The following CCSER1 variants were observed in gnomAD, a reference collection of about 807,000 sequenced individuals.
CCSER1 encodes serine-rich coiled-coil domain-containing protein 1.
In CCSER1, 41 loss-of-function variants were observed where a neutral mutation model predicts 82.0. The ratio of observed to expected loss-of-function variants is 0.50; its 90% CI spans 0.39 to 0.65. The LOEUF (loss-of-function observed/expected upper bound fraction) is 0.65. CCSER1 is among the 30% of genes least tolerant of loss of function. The probability of loss-of-function intolerance (pLI) is 0.00; values close to 1 mark genes in which losing one functional copy is unlikely to be tolerated. For missense variants in CCSER1, 1,119 were observed against 1,064.2 expected (o/e 1.05, Z -0.72); for synonymous variants, 414 against 383.9 (o/e 1.08, Z -0.92).
chr4:90,515,185 T>C (rs1772098389), intron 5 of CCSER1, among the ~76,000 whole-genome samples: 1 of 152,232 alleles, frequency 6.6e-6, no homozygotes, highest in Admixed American at 6.5e-5. Flanking sequence ...ATACAATTAA[T>C]AGTTATTTCT....
intron 9 of CCSER1, among the ~76,000 whole-genome samples, chr4:90,997,154 G>T (rs981974335): frequency 3.3e-5 from 5 of 152,280 alleles, no homozygotes; most frequent in South Asian, 2.1e-4. Context: ...AAATCAAGGT[G>T]TGGGCAGGTT....
chr4:90,604,883 C>G (rs1009263946), intron 5 of CCSER1, among the ~76,000 whole-genome samples: 1 of 152,148 alleles, frequency 6.6e-6, no homozygotes, highest in South Asian at 2.1e-4. Context: ...CCAATCAGCT[C>G]TCTGTAAAGT....
At chr4:91,421,332 G>C (rs1011327141) in intron 10 of CCSER1, among the ~76,000 whole-genome samples, 13 of 152,158 alleles carry the variant, frequency 8.5e-5, no homozygotes, top group African/African-American at 1.9e-4. Context: ...CTGAAAGCCT[G>C]AGAACCAGAG....
intron 7 of CCSER1, among the ~76,000 whole-genome samples, chr4:90,758,448 A>T (rs1749900649): frequency 6.6e-6 from 1 of 152,178 alleles, no homozygotes; most frequent in African/African-American, 2.4e-5. Context: ...CAATATATAT[A>T]AATATCCAAA....
At chr4:91,268,291 TTAGATC>T (rs1256918261) in intron 10 of CCSER1, among the ~76,000 whole-genome samples, 1 of 152,192 alleles carries the variant, frequency 6.6e-6, no homozygotes, top group Non-Finnish European at 1.5e-5. Flanking sequence ...ATAGAAATGT[TTAGATC>T]TGGCAGCATT....
chr4:90,706,386 C>T (rs940527404), intron 6 of CCSER1, among the ~76,000 whole-genome samples: 4 of 152,080 alleles, frequency 2.6e-5, no homozygotes, highest in African/African-American at 9.7e-5. Flanking sequence ...TTGAAGTCTG[C>T]AGTGAGCTGT....
chr4:90,141,066 TC>T (rs1316356857), intron 1 of CCSER1, among the ~76,000 whole-genome samples: 1 of 84,064 alleles, frequency 1.2e-5, no homozygotes, highest in African/African-American at 4.9e-5. Context: ...CTATCTATTG[TC>T]TGTCTACCTA....
chr4:91,033,386 G>T (rs574051878), intron 9 of CCSER1, among the ~76,000 whole-genome samples: 1 of 152,132 alleles, frequency 6.6e-6, no homozygotes, highest in Admixed American at 6.6e-5. Context: ...GGGAAAAAGG[G>T]TAGAAGGAAA....
At chr4:91,308,555 A>G (rs1745233750) in intron 10 of CCSER1, among the ~76,000 whole-genome samples, 1 of 151,704 alleles carries the variant, frequency 6.6e-6, no homozygotes, top group Non-Finnish European at 1.5e-5. Context: ...GTTATGCCAC[A>G]TATTTTCATA....
intron 9 of CCSER1, among the ~76,000 whole-genome samples, chr4:90,955,464 A>G (rs907010226): frequency 3.9e-5 from 6 of 152,132 alleles, no homozygotes; most frequent in African/African-American, 1.4e-4. Context: ...CAAACTCCCA[A>G]TAGTAAACAC....
intron 10 of CCSER1, among the ~76,000 whole-genome samples, chr4:91,410,368 G>GAATA (rs1417652438): frequency 5.3e-5 from 8 of 151,992 alleles, no homozygotes; most frequent in Non-Finnish European, 1.0e-4. Context: ...GCTGAGAAGG[G>GAATA]AATACAGAAT....
At chr4:91,157,298 A>G (rs1471860011) in intron 10 of CCSER1, among the ~76,000 whole-genome samples, 2 of 152,000 alleles carry the variant, frequency 1.3e-5, no homozygotes, top group Admixed American at 6.6e-5. Flanking sequence ...GAAAGTGCTT[A>G]ATACTGTAAG....
intron 7 of CCSER1, among the ~76,000 whole-genome samples, chr4:90,727,000 A>G (rs1353438809): frequency 6.6e-6 from 1 of 152,150 alleles, no homozygotes; most frequent in Non-Finnish European, 1.5e-5. Context: ...TATAATTCAC[A>G]ATCTTCCACA....
intron 10 of CCSER1, among the ~76,000 whole-genome samples, chr4:91,516,521 G>T (rs1359504585): frequency 6.6e-6 from 1 of 152,082 alleles, no homozygotes; most frequent in Non-Finnish European, 1.5e-5. Flanking sequence ...GGTTGTAAGT[G>T]TGCAGCCTTA....
chr4:90,617,100 ATTC>A (rs1160571736), intron 5 of CCSER1, among the ~76,000 whole-genome samples: 8 of 152,204 alleles, frequency 5.3e-5, no homozygotes, highest in Admixed American at 6.5e-5. Flanking sequence ...AAAACAATTT[ATTC>A]TTTTCAGAAC....
intron 5 of CCSER1, among the ~76,000 whole-genome samples, chr4:90,470,352 A>G (rs1053470539): frequency 6.6e-6 from 1 of 152,178 alleles, no homozygotes; most frequent in Non-Finnish European, 1.5e-5. Flanking sequence ...CTACATACCC[A>G]ACACTGTTAT....
intron 10 of CCSER1, among the ~76,000 whole-genome samples, chr4:91,100,190 T>A (rs1180711691): frequency 2.0e-5 from 3 of 149,742 alleles, no homozygotes; most frequent in Non-Finnish European, 1.5e-5. Flanking sequence ...TTGGGCAAGA[T>A]AAAAAAAAAA....
chr4:91,590,139 T>G (rs1418239344), intron 10 of CCSER1, among the ~76,000 whole-genome samples: 1 of 152,052 alleles, frequency 6.6e-6, no homozygotes, highest in Non-Finnish European at 1.5e-5. Flanking sequence ...ACCTTGCTTA[T>G]CTCATGCATG....
At chr4:90,767,341 G>A (rs1751401974) in intron 7 of CCSER1, among the ~76,000 whole-genome samples, 1 of 151,894 alleles carries the variant, frequency 6.6e-6, no homozygotes, top group African/African-American at 2.4e-5. Context: ...TAATGTGACT[G>A]CACTTACACT....
Sources: gnomAD v4.1 joint callset for allele counts (sites outside exome capture counted in the v4.1 genomes callset) on GRCh38, gnomAD v4.1.1 for gene constraint, MANE v1.5 for transcripts, NCBI Gene and HGNC (gene_info 2026-07-23, HGNC 2026-07-21) for gene names.